OR2I1: variants seen among roughly 807,000 people sequenced by gnomAD.
The protein encoded by OR2I1 is olfactory receptor family 2 subfamily I member 1 (gene/pseudogene).
the OR2I1 span, chr6:29,556,131 G>A: frequency 6.2e-7 from 1 of 1,613,100 alleles, no homozygotes; most frequent in South Asian, 1.1e-5. Context: ...TCATCACTGG[G>A]CTTCACCACT....
At chr6:29,556,558 A>T in the OR2I1 span, 12 of 534,216 alleles carry the variant, frequency 2.2e-5, no homozygotes, top group African/African-American at 1.5e-4. Context: ...TTCCTTTATA[A>T]TCACACCTTT....
the OR2I1 span, chr6:29,555,049 G>A: frequency 1.3e-5 from 2 of 152,314 alleles, no homozygotes; most frequent in Non-Finnish European, 2.9e-5. Flanking sequence ...CCTCATCCTG[G>A]AGAAGACCTG....
At chr6:29,552,291 G>A in the OR2I1 span, among the ~76,000 whole-genome samples, 1 of 152,188 alleles carries the variant, frequency 6.6e-6, no homozygotes, top group African/African-American at 2.4e-5. Flanking sequence ...TTGAGACAGA[G>A]GGAAATGAAG....
chr6:29,554,922 C>G, the OR2I1 span: 2 of 152,254 alleles, frequency 1.3e-5, no homozygotes, highest in African/African-American at 4.8e-5. Context: ...AAGACAGGAA[C>G]AGGGATCTCC....
chr6:29,553,907 T>C, the OR2I1 span: 1 of 398,754 alleles, frequency 2.5e-6, no homozygotes, highest in Non-Finnish European at 4.4e-6. Context: ...TGCATGCGGT[T>C]CAGCGGAGGC....
the OR2I1 span, among the ~76,000 whole-genome samples, chr6:29,551,175 C>T: frequency 2.6e-4 from 39 of 152,292 alleles, no homozygotes; most frequent in Non-Finnish European, 4.6e-4. Flanking sequence ...GTGTAATCAC[C>T]GCATTAAAGA....
the OR2I1 span, among the ~76,000 whole-genome samples, chr6:29,552,495 T>C: frequency 6.6e-6 from 1 of 152,156 alleles, no homozygotes; most frequent in African/African-American, 2.4e-5. Context: ...TCACAACAAA[T>C]TAAAAATCAG....
chr6:29,556,599 C>G, the OR2I1 span: 1 of 514,480 alleles, frequency 1.9e-6, no homozygotes. Context: ...AAATAAAATC[C>G]TGAGCCCCCA....
the OR2I1 span, chr6:29,556,467 C>CA: frequency 1.5e-6 from 1 of 670,066 alleles, no homozygotes; most frequent in Non-Finnish European, 2.5e-6. Flanking sequence ...AGCTCCTATT[C>CA]AGTAGCCAGT....
At chr6:29,556,251 C>T in the OR2I1 span, 1 of 1,613,092 alleles carries the variant, frequency 6.2e-7, no homozygotes, top group South Asian at 1.1e-5. Context: ...TGCACAGGAA[C>T]CTTGGTCTTA....
chr6:29,551,545 T>C, the OR2I1 span, among the ~76,000 whole-genome samples: 1 of 152,214 alleles, frequency 6.6e-6, no homozygotes, highest in African/African-American at 2.4e-5. Flanking sequence ...TGAAAAGAGC[T>C]GTAAATGTTC....
chr6:29,552,430 C>T, the OR2I1 span, among the ~76,000 whole-genome samples: 1 of 152,164 alleles, frequency 6.6e-6, no homozygotes, highest in African/African-American at 2.4e-5. Flanking sequence ...GGCTAGTATA[C>T]GTGTGCTGAT....
At chr6:29,555,950 T>G in the OR2I1 span, 1 of 1,613,122 alleles carries the variant, frequency 6.2e-7, no homozygotes, top group Non-Finnish European at 8.5e-7. Flanking sequence ...TGCCATCATC[T>G]TCCCATCTTC....
chr6:29,556,149 T>G, the OR2I1 span: 4 of 1,613,044 alleles, frequency 2.5e-6, no homozygotes, highest in African/African-American at 1.3e-5. Context: ...ACTTTCAGGG[T>G]AAGGTGGATG....
At chr6:29,553,162 TA>T in the OR2I1 span, 24 of 398,466 alleles carry the variant, frequency 6.0e-5, no homozygotes, top group Non-Finnish European at 9.7e-5. Flanking sequence ...CCTTTGCTTA[TA>T]AGGGGTAGTC....
chr6:29,556,765 T>A, the OR2I1 span: 1 of 168,482 alleles, frequency 5.9e-6, no homozygotes, highest in Non-Finnish European at 1.3e-5. Context: ...GAGACCAGCC[T>A]GGTGAACTTG....
the OR2I1 span, chr6:29,556,412 C>T: frequency 7.9e-7 from 1 of 1,272,924 alleles, no homozygotes; most frequent in South Asian, 1.4e-5. Context: ...ACTTCTACTC[C>T]CCACCACAAT....
the OR2I1 span, chr6:29,555,820 A>C: frequency 2.2e-6 from 3 of 1,343,026 alleles, no homozygotes; most frequent in Non-Finnish European, 3.1e-6. Flanking sequence ...GTGTTCGTTG[A>C]GTAAGAGATT....
chr6:29,553,233 C>T, the OR2I1 span: 1 of 398,874 alleles, frequency 2.5e-6, no homozygotes, highest in Non-Finnish European at 4.4e-6. Flanking sequence ...AGGCCAACTA[C>T]AGCGCAGAGG....
Sources: gnomAD v4.1 joint callset for allele counts (sites outside exome capture counted in the v4.1 genomes callset) on GRCh38, gnomAD v4.1.1 for gene constraint, MANE v1.5 for transcripts, NCBI Gene and HGNC (gene_info 2026-07-23, HGNC 2026-07-21) for gene names.